CDH26: variants seen among roughly 807,000 people sequenced by gnomAD.
CDH26 encodes cadherin 26.
Under a neutral mutation model 90.3 loss-of-function variants are expected in CDH26, and 83 were observed. The observed-to-expected ratio is 0.92, with a 90% confidence interval of 0.77 to 1.10. The LOEUF is 1.10. CDH26 is among the 50% of genes least tolerant of loss of function. The pLI is 0.00. For missense variants in CDH26, 1,013 were observed against 1,037.6 expected, an observed-to-expected ratio of 0.98 and a Z score of 0.33; for synonymous variants, 397 against 396.3, an observed-to-expected ratio of 1.00 and a Z score of -0.02.
intron 3 of CDH26, among the ~76,000 whole-genome samples, chr20:59,971,387 T>C (rs1356263804): frequency 4.6e-5 from 7 of 152,224 alleles, no homozygotes; most frequent in Non-Finnish European, 7.3e-5. Flanking sequence ...ATTTCAGAGA[T>C]GTTTTAAAGA....
chr20:59,972,187 G>C (rs1250586860), intron 4 of CDH26, 64 bp downstream of exon 4: 10 of 1,497,564 alleles, frequency 6.7e-6, no homozygotes, highest in Non-Finnish European at 9.1e-6. Context: ...GTTGTATTTG[G>C]TAAGCATTAT....
At chr20:59,973,760 T>C (rs2061293517) in intron 4 of CDH26, among the ~76,000 whole-genome samples, 1 of 152,222 alleles carries the variant, frequency 6.6e-6, no homozygotes, top group Admixed American at 6.5e-5. Flanking sequence ...TTCCATGGTG[T>C]ACATGTACCA....
chr20:59,967,880 C>CTTTCTCTCTCTCTCTCTTT (rs1195650307), intron 1 of CDH26, among the ~76,000 whole-genome samples: 34 of 74,974 alleles, frequency 4.5e-4, no homozygotes, highest in Non-Finnish European at 1.5e-4. Context: ...TTTCTTTCTT[C>CTTTCTCTCTCTCTCTCTTT]CTTCCTTCCT....
chr20:59,969,956 T>A (rs2061233801), intron 2 of CDH26, 126 bp from the exon 3 acceptor site: 3 of 1,397,330 alleles, frequency 2.1e-6, no homozygotes, highest in Non-Finnish European at 2.8e-6. Flanking sequence ...AGGTGGCTGT[T>A]CTGGCGATGA....
At chr20:59,973,108 G>C (rs192230549) in intron 4 of CDH26, among the ~76,000 whole-genome samples, 103 of 152,296 alleles carry the variant, frequency 6.8e-4, no homozygotes, top group African/African-American at 2.4e-3. Context: ...GTCATAAGGA[G>C]ACCCTGAGAT....
At position 59,972,113 on chromosome 20, in the gene CDH26, C is replaced by T. The variant is rs1387059594; in HGVS notation, c.383C>T (p.Pro128Leu). Residue 128 changes from proline to leucine, a missense_variant, in exon 4 of 18, where the codon CCA (proline) becomes CTA (leucine). Physicochemically the swap from Pro to Leu is moderately conservative, Grantham distance 98. Transcript: ENST00000348616. The part of the protein sequence containing the change: ...VHRPVDREMT[P>L]SFTVYFDVVE... ...CGCCCTGTCGATCGAGAAATGACACCATCTTTCACGGTATCTAAAACTTGA... is the reference window on the plus strand; with the variant it reads ...CGCCCTGTCGATCGAGAAATGACACTATCTTTCACGGTATCTAAAACTTGA... The T allele has an allele frequency of 6.2e-7, 1 of 1,613,402 alleles. No individual in the cohort carries two copies. The highest frequency in any genetic ancestry group is 8.5e-7 in the Non-Finnish European group (1 of 1,179,624).
At chr20:60,029,015 TC>T (rs1237319329) in intron 7 of CDH26, among the ~76,000 whole-genome samples, 2 of 152,084 alleles carry the variant, frequency 1.3e-5, no homozygotes, top group Admixed American at 6.5e-5. Context: ...AAAGAGGAAA[TC>T]CTACTATTTG....
At chr20:60,016,588 T>C (rs1232949070), downstream of CDH26, among the ~76,000 whole-genome samples, 2 of 150,930 alleles carry the variant, frequency 1.3e-5, 1 homozygote, top group Non-Finnish European at 2.9e-5. Flanking sequence ...TCCTTTCTAA[T>C]TTGAATTCCC....
chr20:59,959,311 G>A (rs983839674), intron 1 of CDH26, among the ~76,000 whole-genome samples: 6 of 152,062 alleles, frequency 3.9e-5, no homozygotes, highest in Non-Finnish European at 8.8e-5. Context: ...TGTTGCCCAG[G>A]CTGGTCTCGA....
intron 3 of CDH26, 75 bp from the exon 4 acceptor site, chr20:59,971,887 A>G: frequency 8.1e-7 from 1 of 1,241,120 alleles, no homozygotes; most frequent in African/African-American, 1.5e-5. Context: ...ATTGATTCTT[A>G]GCCTTGATAC....
intron 7 of CDH26, among the ~76,000 whole-genome samples, chr20:60,022,091 T>A (rs1569068939): frequency 6.6e-6 from 1 of 151,888 alleles, no homozygotes; most frequent in Non-Finnish European, 1.5e-5. Flanking sequence ...GCAGGAGACA[T>A]TCCTGGATGT....
chr20:59,980,824 T>C (rs1030497199), intron 4 of CDH26, among the ~76,000 whole-genome samples: 1 of 152,246 alleles, frequency 6.6e-6, no homozygotes. Flanking sequence ...GGTGGTGTTA[T>C]CTAACACATT....
rs6027214 is a variant in CDH26 at position 59,965,263 on chromosome 20, G to C, written c.70-3704G>C. Among the ~76,000 whole-genome samples the C allele has an allele frequency of 6.6e-5, 10 of 152,274 alleles. No homozygotes were observed. The East Asian group carries it at 1.9e-3, about 29-fold the overall frequency. On this transcript the variant is annotated intron_variant, in intron 1 of 17. Transcript: ENST00000348616. ...GCCTCTTGTATTGTAATGTGAATAA[G>C]GATAAATAATGATAGATTCTGACGC...
downstream of CDH26, among the ~76,000 whole-genome samples, chr20:60,015,560 T>C (rs195018): frequency 0.47 from 71,183 of 152,016 alleles, 16,909 homozygotes; most frequent in African/African-American, 0.54. Flanking sequence ...GCAGATATTT[T>C]CTCCCATTTT....
In CDH26 at chr20:59,994,410, G is replaced by A. The variant is rs181870136; in HGVS notation, c.1587G>A (p.Pro529=). The part of the protein sequence containing the change: ...HIEAEDPDLE[P]FSDPFTFELD... ...AGGCAGAGGATCCGGACCTGGAGCC[G>A]TTCTCTGACCCATTTACATTTGAAT... Residue 529 remains proline (P), a synonymous_variant, in exon 11 of 18, where the codon CCG becomes CCA. Coordinates refer to ENST00000348616, the MANE Select transcript of CDH26 (RefSeq NM_177980.4). 6.8e-6 allele frequency: 11 copies of A among 1,614,126 alleles called. No individual in the cohort carries two copies. The Admixed American group carries it at 1.0e-4, about 15-fold the overall frequency.
intron 14 of CDH26, among the ~76,000 whole-genome samples, chr20:59,999,886 T>G (rs2061653270): frequency 6.6e-6 from 1 of 152,232 alleles, no homozygotes; most frequent in African/African-American, 2.4e-5. Flanking sequence ...CGGTGTCAGA[T>G]GACCCTGTGC....
rs1229883988 is a variant in CDH26 at position 59,968,053 on chromosome 20, G to GTCTC, written c.70-897_70-894dup. Among the ~76,000 whole-genome samples, 23 of 70,708 alleles carry GTCTC rather than the reference G, an allele frequency of 3.3e-4. 1 individual carries two copies. The highest frequency in any genetic ancestry group is 1.1e-3 in the African/African-American group (18 of 15,736). The allele number at this position is 70,708 out of a possible 152,430, so 46.4% of individuals were successfully genotyped here. The stretch of plus-strand genomic sequence containing the variant: ...TCTCTCTCTCTCTCTCTCTCTCTCT[G>GTCTC]TCTCTCTCTCTCTCTCTCTCCCTCT... On this transcript the variant is annotated intron_variant, in intron 1 of 17. Coordinates refer to ENST00000348616, the MANE Select transcript of CDH26 (RefSeq NM_177980.4).
chr20:59,985,880 A>G (rs865981795), intron 7 of CDH26: 1 of 152,296 alleles, frequency 6.6e-6, no homozygotes, highest in African/African-American at 2.4e-5. Context: ...AGATGGGAAA[A>G]CTGAGGTCTA....
At chr20:60,019,458 T>A (rs557605531), downstream of CDH26, among the ~76,000 whole-genome samples, 5 of 152,314 alleles carry the variant, frequency 3.3e-5, no homozygotes, top group South Asian at 1.0e-3. Context: ...AATTTATTAT[T>A]CTGCTTGGTC....
Sources: gnomAD v4.1 joint callset for allele counts (sites outside exome capture counted in the v4.1 genomes callset) on GRCh38, gnomAD v4.1.1 for gene constraint, MANE v1.5 for transcripts, NCBI Gene and HGNC (gene_info 2026-07-23, HGNC 2026-07-21) for gene names.